The following HSD17B14 variants were observed in gnomAD, a reference collection of about 807,000 sequenced individuals.
The protein encoded by HSD17B14 is hydroxysteroid 17-beta dehydrogenase 14, also known as L-fucose dehydrogenase.
HSD17B14 carries 32 observed loss-of-function variants against 32.2 expected under a neutral mutation model. The observed-to-expected ratio is 0.99, with a 90% CI of 0.75 to 1.33. The LOEUF (loss-of-function observed/expected upper bound fraction) is 1.33. HSD17B14 is among the 40% of genes most tolerant of loss of function. HSD17B14 has a pLI of 0.00. For missense variants in HSD17B14, 370 were observed against 366.5 expected (o/e 1.01, Z -0.08); for synonymous variants, 140 against 155.4 (o/e 0.90, Z 0.74).
Position 48,825,881 on chromosome 19 carries a change from C to T in HSD17B14, c.369+5787G>A, listed in dbSNP as rs550979814. 9.2e-5 allele frequency among the ~76,000 whole-genome samples: 14 copies of T among 152,014 alleles called. 1 individual carries two copies. Among genetic ancestry groups the T allele is most frequent in the African/African-American group, 1.7e-4 (7 of 41,476 alleles). On this transcript the variant is annotated intron_variant, in intron 5 of 8. Transcript: ENST00000263278. ...TGTCACCCAGGCTGGAGTGCAGTGG[C>T]GCGATCTCGGCTCACTGCAAGCTCC... is the stretch of plus-strand genomic sequence containing the variant.
chr19:48,830,423 C>CT (rs879545477), intron 5 of HSD17B14, among the ~76,000 whole-genome samples: 1 of 152,040 alleles, frequency 6.6e-6, no homozygotes, highest in African/African-American at 2.4e-5. Flanking sequence ...ATCTTTCTAA[C>CT]TTTTTTTGCC....
intron 4 of HSD17B14, among the ~76,000 whole-genome samples, chr19:48,832,357 C>T (rs991757380): frequency 6.6e-6 from 1 of 150,786 alleles, no homozygotes; most frequent in African/African-American, 2.4e-5. Flanking sequence ...CCAGCCTGGA[C>T]GACAGAGTGC....
At chr19:48,815,867 C>T (rs867104700) in intron 5 of HSD17B14, among the ~76,000 whole-genome samples, 6 of 151,654 alleles carry the variant, frequency 4.0e-5, no homozygotes, top group Middle Eastern at 6.8e-3. Flanking sequence ...ACTAAAAATA[C>T]AAAATTAGCC....
intron 2 of HSD17B14, 147 bp downstream of exon 2, chr19:48,835,658 G>T: frequency 2.8e-6 from 2 of 711,496 alleles, no homozygotes; most frequent in Non-Finnish European, 4.8e-6. Context: ...TCTGAGGGAG[G>T]AGGGGCTGAG....
chr19:48,825,980 A>C (rs1476837681), intron 5 of HSD17B14, among the ~76,000 whole-genome samples: 1 of 151,708 alleles, frequency 6.6e-6, no homozygotes, highest in African/African-American at 2.4e-5. Flanking sequence ...GCCACCGCGC[A>C]CAGCTATTTT....
intron 5 of HSD17B14, among the ~76,000 whole-genome samples, chr19:48,816,169 C>T (rs1424591763): frequency 6.6e-6 from 1 of 152,058 alleles, no homozygotes; most frequent in Non-Finnish European, 1.5e-5. Flanking sequence ...CTTGGATAAA[C>T]TCAAATTCTA....
chr19:48,829,505 C>A (rs1461676986), intron 5 of HSD17B14, among the ~76,000 whole-genome samples: 3 of 151,932 alleles, frequency 2.0e-5, no homozygotes, highest in Non-Finnish European at 4.4e-5. Flanking sequence ...GCACCTGCCA[C>A]CACGCACAGC....
At chr19:48,833,321 T>G (rs568221031) in intron 3 of HSD17B14, among the ~76,000 whole-genome samples, 36 of 151,800 alleles carry the variant, frequency 2.4e-4, no homozygotes, top group Non-Finnish European at 4.4e-4. Context: ...AGGGGACAGT[T>G]GCCCAAGGGG....
chr19:48,814,936 G>T, intron 6 of HSD17B14, 101 bp downstream of exon 6: 1 of 817,000 alleles, frequency 1.2e-6, no homozygotes. Context: ...GACTTTCTAG[G>T]GCCAAGATCT....
chr19:48,814,977 T>C lies in HSD17B14; in HGVS notation c.474+60A>G, dbSNP rs2035026717. On this transcript the variant is annotated intron_variant, in intron 6 of 8. Coordinates refer to ENST00000263278, the MANE Select transcript of HSD17B14 (RefSeq NM_016246.3). Reference sequence around the variant, plus strand: ...GGTCTGGCTCCTAAGTTGTCTGGACTCAAAGCCAAGGCCCATGGGAAGGAG... The same window carrying C: ...GGTCTGGCTCCTAAGTTGTCTGGACCCAAAGCCAAGGCCCATGGGAAGGAG... The C allele has an allele frequency of 3.6e-6, 5 of 1,371,692 alleles. No individual in the cohort carries two copies. The South Asian group carries it at 5.9e-5, about 16-fold the overall frequency. 85.0% of individuals were successfully genotyped at this position (1,371,692 alleles called of 1,614,324 possible).
intron 5 of HSD17B14, among the ~76,000 whole-genome samples, chr19:48,831,241 G>A (rs1047391675): frequency 6.6e-6 from 1 of 152,190 alleles, no homozygotes; most frequent in African/African-American, 2.4e-5. Flanking sequence ...TGGATGTAGA[G>A]ATTCGCAGTC....
intron 3 of HSD17B14, among the ~76,000 whole-genome samples, 187 bp downstream of exon 3, chr19:48,834,089 C>A (rs376716045): frequency 6.6e-6 from 1 of 152,166 alleles, no homozygotes; most frequent in Admixed American, 6.6e-5. Flanking sequence ...ACAGAAGGAA[C>A]ATGTGACCTG....
intron 5 of HSD17B14, among the ~76,000 whole-genome samples, chr19:48,816,818 T>TCTTTCTTTCTTTCTTTCTTTCTTC (rs2035063398): frequency 4.6e-5 from 4 of 87,480 alleles, no homozygotes; most frequent in Non-Finnish European, 7.2e-5. Context: ...TTTCTTTCTT[T>TCTTTCTTTCTTTCTTTCTTTCTTC]CTTTCTTTTC....
chr19:48,817,002 A>ATT (rs758061335), intron 5 of HSD17B14, among the ~76,000 whole-genome samples: 1,830 of 97,516 alleles, frequency 0.019, 82 homozygotes, highest in African/African-American at 0.074. Context: ...CACCAGGATA[A>ATT]TTTTTTTTTT....
At chr19:48,826,525 G>GAAAAAAA (rs1418028808) in intron 5 of HSD17B14, among the ~76,000 whole-genome samples, 9 of 5,162 alleles carry the variant, frequency 1.7e-3, no homozygotes, top group African/African-American at 2.4e-3. Context: ...AAGAAAAGAA[G>GAAAAAAA]AAAATATATA....
chr19:48,835,720 G>T (rs1256960806), intron 2 of HSD17B14, 85 bp downstream of exon 2: 18 of 1,389,920 alleles, frequency 1.3e-5, no homozygotes, highest in Admixed American at 8.5e-5. Flanking sequence ...GGACTCCGGG[G>T]TCTGAGGGAG....
In HSD17B14 at chr19:48,826,542, TAC is replaced by T. The variant is rs374655614; in HGVS notation, c.369+5124_369+5125del. 1.5e-3 allele frequency among the ~76,000 whole-genome samples: 117 copies of T among 80,090 alleles called. 5 individuals are homozygous for T. Among genetic ancestry groups the T allele is most frequent in the East Asian group, 6.0e-3 (13 of 2,160 alleles). The allele number at this position is 80,090 out of a possible 152,430, so 52.5% of individuals were successfully genotyped here. On this transcript the variant is annotated intron_variant, in intron 5 of 8. Transcript: ENST00000263278. ...GAAAAGAAGAAAATATATATATATATACACACACACACACACACACACACACA... is the reference window on the plus strand; with the variant it reads ...GAAAAGAAGAAAATATATATATATATACACACACACACACACACACACACA...
chr19:48,830,593 A>G (rs1363669832), intron 5 of HSD17B14, among the ~76,000 whole-genome samples: 1 of 151,990 alleles, frequency 6.6e-6, no homozygotes, highest in African/African-American at 2.4e-5. Context: ...CTTGTCTCAG[A>G]GTGTGGCGTT....
At chr19:48,826,547 AC>A (rs2122777885) in intron 5 of HSD17B14, among the ~76,000 whole-genome samples, 1 of 99,938 alleles carries the variant, frequency 1.0e-5, no homozygotes, top group African/African-American at 3.6e-5. Context: ...ATATATACAC[AC>A]ACACACACAC....
Sources: gnomAD v4.1 joint callset for allele counts (sites outside exome capture counted in the v4.1 genomes callset) on GRCh38, gnomAD v4.1.1 for gene constraint, MANE v1.5 for transcripts, NCBI Gene and HGNC (gene_info 2026-07-23, HGNC 2026-07-21) for gene names.